The following EIF3A variants were observed in gnomAD, a reference collection of about 807,000 sequenced individuals.
The protein encoded by EIF3A is eukaryotic translation initiation factor 3 subunit A.
Under a neutral mutation model 186.6 loss-of-function variants are expected in EIF3A, and 21 were observed. That is an observed-to-expected ratio of 0.11 (90% confidence interval 0.08 to 0.16). EIF3A has a LOEUF of 0.16. Among genes scored for constraint, EIF3A ranks in the 10% least tolerant of loss-of-function variants. EIF3A has a pLI of 1.00. For synonymous variants in EIF3A, 563 were observed against 584.3 expected, an observed-to-expected ratio of 0.96 and a Z score of 0.52; for missense variants, 1,306 against 1,796.3, an observed-to-expected ratio of 0.73 and a Z score of 4.93.
Position 119,049,842 on chromosome 10 carries a change from C to T in EIF3A, c.2617G>A (p.Glu873Lys). Residue 873 changes from glutamate to lysine, a missense_variant, in exon 17 of 22, where the codon GAG (glutamate) becomes AAG (lysine). By Grantham distance (56) the Glu-to-Lys change is moderately conservative. This residue lies in a region of EIF3A where 410 missense variants were observed against 473.5 expected (regional missense o/e 0.87). Transcript: ENST00000369144. Reference protein sequence around the residue: ...LEIEERERRREEERRLGDSSL... With the variant: ...LEIEERERRRKEERRLGDSSL... ...CTATCGCCAAGTCTTCTCTCTTCCT[C>T]TCTACGCCGTTCTCGTTCTTCAATT... is the stretch of plus-strand genomic sequence containing the variant. The T allele has an allele frequency of 6.2e-7, 1 of 1,614,188 alleles. No homozygotes were observed. Among genetic ancestry groups the T allele is most frequent in the Non-Finnish European group, 8.5e-7 (1 of 1,180,008 alleles).
intron 17 of EIF3A, among the ~76,000 whole-genome samples, chr10:119,048,060 A>G (rs942215684): frequency 1.3e-5 from 2 of 152,182 alleles, no homozygotes; most frequent in Non-Finnish European, 2.9e-5. Flanking sequence ...ACAGGTGACT[A>G]AGAAGAAAAT....
rs1848113067 is a variant in EIF3A at position 119,035,308 on chromosome 10, T to C, written c.*731A>G. 6.6e-6 allele frequency: 1 copy of C among 152,634 alleles called. No homozygotes were observed. Among genetic ancestry groups the C allele is most frequent in the Non-Finnish European group, 1.5e-5 (1 of 68,040 alleles). The allele number at this position is 152,634 out of a possible 1,614,324, so 9.5% of individuals were successfully genotyped here. ...ATGCTTGAAAGGCATGAATTCTCCA[T>C]TAATGGAAAAGCAGTTTGCTATTGG... On this transcript the variant is annotated 3_prime_UTR_variant, in exon 22 of 22. Transcript: ENST00000369144.
intron 7 of EIF3A, among the ~76,000 whole-genome samples, chr10:119,062,299 C>T (rs1843901342): frequency 6.6e-6 from 1 of 152,176 alleles, no homozygotes; most frequent in South Asian, 2.1e-4. Context: ...TGAAAGGCTG[C>T]CATAATCTAC....
rs1302721174 is a variant in EIF3A at position 119,044,134 on chromosome 10, A to G, written c.2667T>C (p.Arg889=). ...TGCCTTCTGAATCTCTATCTCCCCA[A>G]CGAGAGTCCTCCATTGACAAAGTGA... ...GDSSLSRKDS[R]WGDRDSEGTW... is the part of the protein sequence containing the mutation. The change falls in exon 18 of 22, where the codon CGT becomes CGC. Residue 889 remains arginine, a synonymous_variant. Transcript: ENST00000369144. 3.7e-6 allele frequency: 6 copies of G among 1,610,868 alleles called. No homozygotes were observed. The highest frequency in any genetic ancestry group is 1.3e-5 in the African/African-American group (1 of 74,876).
At chr10:119,079,552 GC>G (rs1844229606) in intron 1 of EIF3A, among the ~76,000 whole-genome samples, 1 of 151,794 alleles carries the variant, frequency 6.6e-6, no homozygotes, top group Non-Finnish European at 1.5e-5. Context: ...AGCTATCCAT[GC>G]CCTAACGATT....
intron 1 of EIF3A, chr10:119,080,394 G>A (rs555500081): frequency 4.1e-6 from 4 of 985,346 alleles, no homozygotes; most frequent in East Asian, 1.1e-4. Context: ...AGGCGGCAGG[G>A]GGAAGGAAAG....
intron 1 of EIF3A, among the ~76,000 whole-genome samples, chr10:119,079,105 A>G (rs558092376): frequency 7.9e-5 from 12 of 152,364 alleles, no homozygotes; most frequent in African/African-American, 2.9e-4. Flanking sequence ...TTTGGTTTAT[A>G]GTGACAAAGT....
In EIF3A at chr10:119,073,926, C is replaced by T; in HGVS notation, c.61G>A (p.Val21Ile). The change falls in exon 2 of 22, where the codon GTT becomes ATT. Residue 21 changes from valine (V) to isoleucine (I), a missense_variant. Val to Ile is a conservative substitution (Grantham distance 29). Coordinates refer to ENST00000369144, the MANE Select transcript of EIF3A (RefSeq NM_003750.4). Reference protein sequence around the residue: ...ALKRANEFLEVGKKQPALDVL... With the variant: ...ALKRANEFLEIGKKQPALDVL... ...TCCAGAGCAGGCTGCTTTTTGCCAA[C>T]CTCAAGAAATTCTGAAAAATTCAGA... 2 of 1,591,330 alleles carry T rather than the reference C, an allele frequency of 1.3e-6. No individual in the cohort carries two copies. The highest frequency in any genetic ancestry group is 1.7e-6 in the Non-Finnish European group (2 of 1,170,090).
Position 119,042,651 on chromosome 10 carries a change from C to A in EIF3A, c.2869G>T (p.Val957Phe). ...EPSLRPDDDR[V>F]PRRGMDDDRG... ...TCATCATCCATGCCACGCCGGGGAA[C>A]CCGATCATCGTCTGGTCTAAGAGAG... Residue 957 changes from valine (V) to phenylalanine (F), a missense_variant, in exon 19 of 22, where the codon GTT becomes TTT. By Grantham distance (50) the Val-to-Phe change is conservative. Around this residue, in one of 8 missense-constraint regions of EIF3A, gnomAD observed 410 missense variants for 473.5 expected, o/e 0.87. Coordinates refer to ENST00000369144, the MANE Select transcript of EIF3A (RefSeq NM_003750.4). The surrounding 1 kb of genome is among the most constrained non-coding windows in gnomAD (Gnocchi z 7.8). 1 of 1,614,220 alleles carries A rather than the reference C, an allele frequency of 6.2e-7. No homozygotes were observed. The highest frequency in any genetic ancestry group is 1.1e-5 in the South Asian group (1 of 91,080).
In EIF3A at chr10:119,059,480, C is replaced by G. The variant is rs192034715; in HGVS notation, c.1444-83G>C. 1.2e-4 allele frequency: 159 copies of G among 1,298,692 alleles called. No individual in the cohort carries two copies. The African/African-American group carries it at 2.2e-3, about 18-fold the overall frequency. The allele number at this position is 1,298,692 out of a possible 1,614,324, so 80.4% of individuals were successfully genotyped here. Reference sequence around the variant, plus strand: ...AACAGAAGAATGTCATATACAAAAGCTGGAAAAGTTCACTCAGTAAACTTT... The same window carrying G: ...AACAGAAGAATGTCATATACAAAAGGTGGAAAAGTTCACTCAGTAAACTTT... On this transcript the variant is annotated intron_variant, in intron 10 of 21. Transcript: ENST00000369144.
At chr10:119,067,853 C>CAGG (rs1844005654) in intron 6 of EIF3A, among the ~76,000 whole-genome samples, 1 of 152,048 alleles carries the variant, frequency 6.6e-6, no homozygotes, top group Non-Finnish European at 1.5e-5. Context: ...CTCTATCGTC[C>CAGG]AGGCTGGAGT....
Position 119,049,894 on chromosome 10 carries a change from T to C in EIF3A, c.2565A>G (p.Glu855=). Residue 855 remains glutamate, a synonymous_variant, in exon 17 of 22, where the codon GAA becomes GAG. Transcript: ENST00000369144. ...CCAACTCCCTTTGGCGTTTTTTCCT[T>C]TCCACTTCTTCTAATTTCTTCACCC... ...QERVKKLEEV[E]RKKRQRELEI... The C allele has an allele frequency of 6.2e-7, 1 of 1,614,228 alleles. No individual in the cohort carries two copies. Among genetic ancestry groups the C allele is most frequent in the Non-Finnish European group, 8.5e-7 (1 of 1,180,030 alleles).
chr10:119,038,730 C>T (rs1476611550), intron 19 of EIF3A, among the ~76,000 whole-genome samples: 2 of 152,090 alleles, frequency 1.3e-5, no homozygotes, highest in Non-Finnish European at 2.9e-5. Flanking sequence ...TCGAGACCAG[C>T]CTGGCCAACA....
intron 14 of EIF3A, 125 bp downstream of exon 14, chr10:119,056,615 G>A: frequency 1.5e-6 from 1 of 654,770 alleles, no homozygotes. Context: ...CTGTTCATAG[G>A]CAGCCATTAG....
At chr10:119,064,142 T>C (rs1354357094) in intron 7 of EIF3A, among the ~76,000 whole-genome samples, 2 of 152,230 alleles carry the variant, frequency 1.3e-5, no homozygotes, top group Non-Finnish European at 2.9e-5. Flanking sequence ...ATCTGCTGGG[T>C]AAAACCTAGA....
chr10:119,062,279 T>C (rs1311000260), intron 7 of EIF3A, among the ~76,000 whole-genome samples: 2 of 152,164 alleles, frequency 1.3e-5, no homozygotes, highest in Admixed American at 6.5e-5. Flanking sequence ...CCCTTCCGAA[T>C]AGGGAAATGT....
chr10:119,069,252 T>A (rs1437994636), intron 6 of EIF3A, among the ~76,000 whole-genome samples, 194 bp downstream of exon 6: 2 of 152,136 alleles, frequency 1.3e-5, no homozygotes, highest in Non-Finnish European at 2.9e-5. Context: ...TGGCATCTAA[T>A]GGGTAGAAGC....
rs567941071 is a variant in EIF3A, at chr10:119,048,526, A to T, written c.2658+1275T>A. ...TCACCTAGGAATCCTGTTAAATTGC[A>T]TATTTTGATTCAGAAGTTTTGGGGC... On this transcript the variant is annotated intron_variant, in intron 17 of 21. Transcript: ENST00000369144. 3.3e-5 allele frequency among the ~76,000 whole-genome samples: 5 copies of T among 152,262 alleles called. No individual in the cohort carries two copies. In the East Asian group the frequency reaches 7.7e-4, roughly 23 times the overall value.
chr10:119,069,084 T>C (rs1844031361), intron 6 of EIF3A, among the ~76,000 whole-genome samples: 1 of 152,178 alleles, frequency 6.6e-6, no homozygotes, highest in African/African-American at 2.4e-5. Flanking sequence ...GTTAAATGTG[T>C]TTTTCCTAAT....
Sources: gnomAD v4.1 joint callset for allele counts (sites outside exome capture counted in the v4.1 genomes callset) on GRCh38, gnomAD v4.1.1 for gene constraint, gnomAD v4.1.1 regional missense constraint, Gnocchi (gnomAD v3.1) non-coding constraint, MANE v1.5 for transcripts, NCBI Gene and HGNC (gene_info 2026-07-23, HGNC 2026-07-21) for gene names.